The following TAFA1 variants were observed in gnomAD, a reference collection of about 807,000 sequenced individuals.
The protein encoded by TAFA1 is chemokine-like protein TAFA-1.
A neutral mutation model predicts 18.5 loss-of-function variants in TAFA1; 4 were observed. The observed-to-expected ratio is 0.22, with a 90% confidence interval of 0.11 to 0.49. TAFA1 has a LOEUF of 0.49. Ranked by LOEUF, TAFA1 falls within the 20% of genes least tolerant of loss-of-function variation. The probability of loss-of-function intolerance (pLI) is 0.98; values close to 1 mark genes in which losing one functional copy is unlikely to be tolerated. For synonymous variants in TAFA1, 56 were observed against 55.2 expected, an observed-to-expected ratio of 1.01 and a Z score of -0.06; for missense variants, 147 against 169.0, an observed-to-expected ratio of 0.87 and a Z score of 0.72.
intron 3 of TAFA1, among the ~76,000 whole-genome samples, chr3:68,486,548 T>C (rs974863661): frequency 2.6e-5 from 4 of 152,200 alleles, no homozygotes; most frequent in Non-Finnish European, 5.9e-5. Flanking sequence ...TGTGGAACGC[T>C]CTTTGATCTA....
intron 2 of TAFA1, among the ~76,000 whole-genome samples, chr3:68,161,910 C>G (rs1208292939): frequency 6.6e-6 from 1 of 152,154 alleles, no homozygotes; most frequent in Non-Finnish European, 1.5e-5. Flanking sequence ...GGCCCACCAC[C>G]AGTTTTTGCA....
At chr3:68,270,580 C>G (rs984321826) in intron 2 of TAFA1, among the ~76,000 whole-genome samples, 2 of 152,088 alleles carry the variant, frequency 1.3e-5, no homozygotes, top group African/African-American at 2.4e-5. Flanking sequence ...ATGAAAAGGA[C>G]CAGGTTATCT....
At position 68,487,706 on chromosome 3, in the gene TAFA1, C is replaced by T. The variant is rs568527430; in HGVS notation, c.260-51050C>T. The stretch of plus-strand genomic sequence containing the variant: ...GGTGGAGCTTGCAGTGAGCCGAGAT[C>T]GCGCCACTGCACTCCAGCCTGGGGG... On this transcript the variant is annotated intron_variant, in intron 3 of 4. Transcript: ENST00000478136. Among the ~76,000 whole-genome samples the T allele has an allele frequency of 5.8e-4, 85 of 146,896 alleles. No homozygotes were observed. The Middle Eastern group carries it at 0.014, about 24-fold the overall frequency.
chr3:68,510,685 G>A (rs2072831629), intron 3 of TAFA1, among the ~76,000 whole-genome samples: 1 of 152,134 alleles, frequency 6.6e-6, no homozygotes, highest in Admixed American at 6.6e-5. Context: ...AAAGTTGAGT[G>A]AGTCAAATGA....
chr3:68,177,037 G>A (rs2066135619), intron 2 of TAFA1, among the ~76,000 whole-genome samples: 1 of 152,094 alleles, frequency 6.6e-6, no homozygotes, highest in Non-Finnish European at 1.5e-5. Flanking sequence ...AGTCTTCATA[G>A]ACCTTACTGA....
chr3:68,308,172 AG>A (rs1406070277), intron 2 of TAFA1, among the ~76,000 whole-genome samples: 2 of 152,270 alleles, frequency 1.3e-5, no homozygotes, highest in African/African-American at 4.8e-5. Context: ...ATGAATTCAG[AG>A]GACCCCAGAA....
In TAFA1 at chr3:68,283,587, A is replaced by C. The variant is rs183445491; in HGVS notation, c.119-133693A>C. 4.5e-3 allele frequency among the ~76,000 whole-genome samples: 687 copies of C among 152,334 alleles called. 3 individuals carry two copies. Among genetic ancestry groups the C allele is most frequent in the Non-Finnish European group, 7.5e-3 (512 of 68,036 alleles). On this transcript the variant is annotated intron_variant, in intron 2 of 4. Transcript: ENST00000478136. Reference sequence around the variant, plus strand: ...GCCTCTAAGCATAAATTTCCTTTTCAGTAAAATGGAGTAATAAAACCCACC... The same window carrying C: ...GCCTCTAAGCATAAATTTCCTTTTCCGTAAAATGGAGTAATAAAACCCACC...
intron 2 of TAFA1, among the ~76,000 whole-genome samples, chr3:68,180,696 T>C (rs1230455347): frequency 6.6e-6 from 1 of 152,176 alleles, no homozygotes; most frequent in Non-Finnish European, 1.5e-5. Flanking sequence ...TCATTTACAA[T>C]TCTTCCCTGG....
intron 3 of TAFA1, among the ~76,000 whole-genome samples, chr3:68,490,835 T>C (rs2072437858): frequency 8.4e-6 from 1 of 119,182 alleles, no homozygotes; most frequent in Admixed American, 8.2e-5. Context: ...TTTTTTCTTT[T>C]TTTTCTTTTT....
chr3:68,424,033 CT>C (rs2071009106), intron 3 of TAFA1, among the ~76,000 whole-genome samples: 1 of 152,024 alleles, frequency 6.6e-6, no homozygotes, highest in African/African-American at 2.4e-5. Flanking sequence ...AGAAAACTTT[CT>C]TTCACGGCAG....
intron 2 of TAFA1, among the ~76,000 whole-genome samples, chr3:68,178,873 G>T (rs1004585566): frequency 6.6e-6 from 1 of 152,224 alleles, no homozygotes; most frequent in Admixed American, 6.5e-5. Flanking sequence ...TCCAGCTGGT[G>T]GTGGAGAATG....
chr3:68,475,666 T>C (rs1244970159), intron 3 of TAFA1, among the ~76,000 whole-genome samples: 1 of 152,192 alleles, frequency 6.6e-6, no homozygotes, highest in African/African-American at 2.4e-5. Flanking sequence ...ATCCTTTGGG[T>C]ATATACCCAG....
At chr3:68,332,909 A>C (rs1171489570) in intron 2 of TAFA1, among the ~76,000 whole-genome samples, 1 of 152,250 alleles carries the variant, frequency 6.6e-6, no homozygotes, top group African/African-American at 2.4e-5. Context: ...TGTGTTCAAC[A>C]TTGCTAATCA....
intron 2 of TAFA1, among the ~76,000 whole-genome samples, chr3:68,111,929 A>G (rs916274411): frequency 5.3e-5 from 8 of 152,142 alleles, no homozygotes; most frequent in African/African-American, 1.2e-4. Context: ...TATTTTTCAG[A>G]TAGTTATTTC....
At chr3:67,997,360 C>T in the TAFA1 span, among the ~76,000 whole-genome samples, 1 of 152,088 alleles carries the variant, frequency 6.6e-6, no homozygotes, top group Admixed American at 6.5e-5. Context: ...TACATAGAAT[C>T]CAACAGCTAG....
intron 3 of TAFA1, among the ~76,000 whole-genome samples, chr3:68,443,221 G>C (rs2071416237): frequency 6.6e-6 from 1 of 151,968 alleles, no homozygotes; most frequent in Non-Finnish European, 1.5e-5. Context: ...GCCTCTTCCT[G>C]GTAACATCCT....
intron 2 of TAFA1, among the ~76,000 whole-genome samples, chr3:68,295,948 A>T (rs543154772): frequency 2.6e-5 from 4 of 152,340 alleles, no homozygotes; most frequent in East Asian, 1.9e-4. Flanking sequence ...AAAGATATGT[A>T]TTATTTTTGA....
intron 2 of TAFA1, among the ~76,000 whole-genome samples, chr3:68,416,129 G>A (rs535253712): frequency 4.4e-4 from 67 of 152,204 alleles, no homozygotes; most frequent in African/African-American, 1.5e-3. Context: ...TTATTATGGG[G>A]GAGGGAGCAA....
At chr3:68,386,476 G>T (rs941623958) in intron 2 of TAFA1, among the ~76,000 whole-genome samples, 1 of 151,924 alleles carries the variant, frequency 6.6e-6, no homozygotes, top group South Asian at 2.1e-4. Context: ...TCCACATTTG[G>T]GTCAATCATT....
Sources: allele counts gnomAD v4.1 joint callset (sites outside exome capture counted in the v4.1 genomes callset), GRCh38; gene constraint gnomAD v4.1.1; transcripts MANE v1.5; gene names NCBI Gene and HGNC (gene_info 2026-07-23, HGNC 2026-07-21).